FOXN3: variants seen among roughly 807,000 people sequenced by gnomAD.
FOXN3 encodes the protein forkhead box protein N3.
FOXN3 carries 7 observed loss-of-function variants against 38.4 expected under a neutral mutation model. That is an observed-to-expected ratio of 0.18 (90% CI 0.10 to 0.34). The LOEUF is 0.34. Ranked by LOEUF, FOXN3 falls within the 10% of genes least tolerant of loss-of-function variation. The pLI is 1.00. For missense variants in FOXN3, 456 were observed against 613.4 expected (o/e 0.74, Z 2.71); for synonymous variants, 230 against 242.2 (o/e 0.95, Z 0.47).
At chr14:89,285,224 CAA>C (rs1008935995) in intron 3 of FOXN3, among the ~76,000 whole-genome samples, 2 of 152,110 alleles carry the variant, frequency 1.3e-5, no homozygotes, top group Non-Finnish European at 2.9e-5. Context: ...CTAGGACCTA[CAA>C]AAGAGAGAAG....
rs1354052862 is a variant in FOXN3 at position 89,511,248 on chromosome 14, T to C, written c.-14-98758A>G. 4.1e-3 allele frequency among the ~76,000 whole-genome samples: 34 copies of C among 8,340 alleles called. 2 individuals carry two copies. Among genetic ancestry groups the C allele is most frequent in the African/African-American group, 5.5e-3 (33 of 5,952 alleles). The allele number at this position is 8,340 out of a possible 152,430, so 5.5% of individuals were successfully genotyped here. On this transcript the variant is annotated intron_variant, in intron 1 of 6. Coordinates refer to the FOXN3 transcript ENST00000345097. Reference sequence around the variant, plus strand: ...CTTTCTTTTCTTTCCTTTTCTTTCTTTTCTTTCTTTCTTTCTTTCTTTCTT... The same window carrying C: ...CTTTCTTTTCTTTCCTTTTCTTTCTCTTCTTTCTTTCTTTCTTTCTTTCTT...
intron 1 of FOXN3, among the ~76,000 whole-genome samples, chr14:89,416,464 G>A (rs1005220401): frequency 3.9e-5 from 6 of 152,120 alleles, no homozygotes; most frequent in African/African-American, 1.4e-4. Flanking sequence ...CTCCGGAGAC[G>A]TTCGTTGCCT....
intron 2 of FOXN3, among the ~76,000 whole-genome samples, chr14:89,360,146 G>A (rs950168900): frequency 2.6e-5 from 4 of 152,042 alleles, no homozygotes; most frequent in African/African-American, 7.3e-5. Flanking sequence ...CTGGCCTTGC[G>A]TTTCTGCCCC....
At chr14:89,379,378 G>A (rs895482479) in intron 2 of FOXN3, among the ~76,000 whole-genome samples, 37 of 152,236 alleles carry the variant, frequency 2.4e-4, no homozygotes, top group African/African-American at 8.9e-4. Flanking sequence ...GGTATTTGCG[G>A]CCGGGTAATT....
intron 4 of FOXN3, among the ~76,000 whole-genome samples, chr14:89,208,081 G>A (rs374169011): frequency 7.9e-5 from 12 of 152,320 alleles, no homozygotes; most frequent in African/African-American, 2.9e-4. Context: ...CAGGCAGGGA[G>A]TGCCATTATC....
intron 4 of FOXN3, among the ~76,000 whole-genome samples, chr14:89,241,920 C>T (rs1885151688): frequency 6.6e-6 from 1 of 152,190 alleles, no homozygotes; most frequent in South Asian, 2.1e-4. Context: ...ATGGAGAAAG[C>T]CCCTGGCTAC....
At chr14:89,255,963 A>G (rs1269089799) in intron 4 of FOXN3, among the ~76,000 whole-genome samples, 1 of 152,158 alleles carries the variant, frequency 6.6e-6, no homozygotes, top group African/African-American at 2.4e-5. Context: ...CTAAGGAACA[A>G]GACACCTCCC....
Position 89,504,118 on chromosome 14 carries a change from A to G in FOXN3, c.-14-91628T>C, listed in dbSNP as rs147225862. Among the ~76,000 whole-genome samples, 1,109 of 152,318 alleles carry G rather than the reference A, an allele frequency of 7.3e-3. 5 individuals are homozygous for G. Among genetic ancestry groups the G allele is most frequent in the Non-Finnish European group, 0.011 (768 of 68,030 alleles). On this transcript the variant is annotated intron_variant, in intron 1 of 6. Transcript: ENST00000345097. ...TGATGGTACCCAGCTAGCTTTGCTC[A>G]TCCTGTTCCTGGGCCAGGAACTGGG...
chr14:89,446,111 A>AAAAAAAAAAAAAAAAAAAAAAAT (rs1203799928), intron 1 of FOXN3, among the ~76,000 whole-genome samples: 1 of 142,750 alleles, frequency 7.0e-6, no homozygotes, highest in Non-Finnish European at 1.5e-5. Flanking sequence ...AAAAAAAAAA[A>AAAAAAAAAAAAAAAAAAAAAAAT]TTTTAAGGAA....
chr14:89,203,853 G>A (rs1187862280), intron 4 of FOXN3, among the ~76,000 whole-genome samples: 2 of 152,062 alleles, frequency 1.3e-5, no homozygotes, highest in Admixed American at 6.5e-5. Flanking sequence ...AGCTGGTAAC[G>A]AGCCAACAGA....
At chr14:89,452,207 G>A (rs1892627432) in intron 1 of FOXN3, among the ~76,000 whole-genome samples, 1 of 152,104 alleles carries the variant, frequency 6.6e-6, no homozygotes, top group South Asian at 2.1e-4. Context: ...CTACGGGGCA[G>A]AAGGACCAGA....
At chr14:89,355,389 G>T (rs12437010) in intron 2 of FOXN3, 26,026 of 87,952 alleles carry the variant, frequency 0.3, 2,458 homozygotes, top group South Asian at 0.55. Context: ...CACTATGCCC[G>T]ACTATTTTCT....
At chr14:89,340,716 G>A (rs767453150) in intron 3 of FOXN3, among the ~76,000 whole-genome samples, 10 of 151,946 alleles carry the variant, frequency 6.6e-5, no homozygotes, top group Non-Finnish European at 1.3e-4. Context: ...GGGGAGGTTG[G>A]GATGATTTGA....
Position 89,415,867 on chromosome 14 carries a change from CACACACACACA to C in FOXN3, c.-15+993_-15+1003del, listed in dbSNP as rs1353518075. ...TTCTCTACACACACACACACACACA[CACACACACACA>C]CACACCCTCTTTTGTTTTTTTTATG... On this transcript the variant is annotated intron_variant, in intron 1 of 5. Transcript: ENST00000557258. Among the ~76,000 whole-genome samples, 53 of 151,650 alleles carry C rather than the reference CACACACACACA, an allele frequency of 3.5e-4. No individual in the cohort carries two copies. In the East Asian group the frequency reaches 6.0e-3, roughly 17 times the overall value.
At chr14:89,425,060 TTC>T (rs1353530836) in intron 1 of FOXN3, among the ~76,000 whole-genome samples, 3 of 82,728 alleles carry the variant, frequency 3.6e-5, no homozygotes, top group South Asian at 5.3e-4. Context: ...TTGTTTTCTT[TTC>T]TTTTTTTTTT....
intron 1 of FOXN3, among the ~76,000 whole-genome samples, chr14:89,609,914 G>A (rs760109998): frequency 1.3e-5 from 2 of 151,944 alleles, no homozygotes; most frequent in African/African-American, 2.4e-5. Flanking sequence ...GGCGGCTGGC[G>A]GTCCAAGTTT....
intron 4 of FOXN3, among the ~76,000 whole-genome samples, chr14:89,221,222 G>C (rs1279060667): frequency 6.6e-6 from 1 of 152,104 alleles, no homozygotes; most frequent in Non-Finnish European, 1.5e-5. Flanking sequence ...TGTTATAATG[G>C]TAGTTCTATT....
At chr14:89,424,806 GC>G (rs1891988596) in intron 1 of FOXN3, among the ~76,000 whole-genome samples, 1 of 151,822 alleles carries the variant, frequency 6.6e-6, no homozygotes, top group Non-Finnish European at 1.5e-5. Flanking sequence ...GTTCACTTGA[GC>G]CCTGGAGGTT....
At chr14:89,193,530 C>T (rs1888019178) in intron 4 of FOXN3, among the ~76,000 whole-genome samples, 1 of 152,072 alleles carries the variant, frequency 6.6e-6, no homozygotes, top group African/African-American at 2.4e-5. Context: ...TATGACCCCC[C>T]ACCCCCCCAC....
Sources: allele counts gnomAD v4.1 joint callset (sites outside exome capture counted in the v4.1 genomes callset), GRCh38; gene constraint gnomAD v4.1.1; transcripts MANE v1.5; gene names NCBI Gene and HGNC (gene_info 2026-07-23, HGNC 2026-07-21).